Variants in C2CD2 observed in about 807,000 individuals in gnomAD.
C2CD2 encodes the protein C2 domain-containing protein 2.
A neutral mutation model predicts 74.3 loss-of-function variants in C2CD2; 43 were observed. That is an observed-to-expected ratio of 0.58 (90% CI 0.45 to 0.75). C2CD2 has a LOEUF of 0.75. C2CD2 is among the 30% of genes least tolerant of loss of function. The probability of loss-of-function intolerance (pLI) is 0.00; values close to 1 mark genes in which losing one functional copy is unlikely to be tolerated. For missense variants in C2CD2, 801 were observed against 916.3 expected (o/e 0.87, Z 1.63); for synonymous variants, 422 against 390.7 (o/e 1.08, Z -0.94).
intron 1 of C2CD2, 30 bp downstream of exon 1, chr21:41,953,340 G>A: frequency 7.3e-7 from 1 of 1,363,020 alleles, no homozygotes; most frequent in Non-Finnish European, 9.6e-7. Context: ...GGCATCTGCC[G>A]CCCCCCGGCC....
In C2CD2 at chr21:41,914,706, C is replaced by T; in HGVS notation, c.736G>A (p.Ala246Thr). The change falls in exon 6 of 14, where the codon GCA (alanine) becomes ACA (threonine). Residue 246 changes from alanine to threonine, a missense_variant. Transcript: ENST00000380486. ...GGACAGGATTCCTGAGCAGTAGATG[C>T]AGCACACTGTAAGTTCTGAAAAAAT... ...VKEAQNLQCA[A>T]STAQESCPPK... The T allele has an allele frequency of 6.2e-7, 1 of 1,613,092 alleles. No individual in the cohort carries two copies. Among genetic ancestry groups the T allele is most frequent in the Non-Finnish European group, 8.5e-7 (1 of 1,179,442 alleles).
intron 1 of C2CD2, among the ~76,000 whole-genome samples, chr21:41,947,137 T>TCTCTCTCTCTCTCTCTCCCC (rs778013814): frequency 3.9e-5 from 1 of 25,638 alleles, no homozygotes; most frequent in African/African-American, 1.6e-4. Context: ...TCTCTCTCTC[T>TCTCTCTCTCTCTCTCTCCCC]CTCCCTCCCT....
chr21:41,901,605 A>G lies in C2CD2; in HGVS notation c.1560+17T>C, dbSNP rs1404656674. 9.3e-6 allele frequency: 15 copies of G among 1,614,048 alleles called. No homozygotes were observed. The highest frequency in any genetic ancestry group is 1.3e-5 in the Non-Finnish European group (15 of 1,179,864). Reference sequence around the variant, plus strand: ...CAGATGACCAGATGAACACCTCCCCAGCCACCACGATGGTACCTTGGAGAT... The same window carrying G: ...CAGATGACCAGATGAACACCTCCCCGGCCACCACGATGGTACCTTGGAGAT... On this transcript the variant is annotated intron_variant, in intron 12 of 13. Coordinates refer to ENST00000380486, the MANE Select transcript of C2CD2 (RefSeq NM_015500.2).
At chr21:41,925,245 G>A (rs753378705) in intron 2 of C2CD2, among the ~76,000 whole-genome samples, 19 of 152,006 alleles carry the variant, frequency 1.2e-4, no homozygotes, top group Non-Finnish European at 2.4e-4. Flanking sequence ...CAGTGCTTTG[G>A]GAGGCTGAGG....
At chr21:41,937,203 C>T (rs980375511) in intron 2 of C2CD2, among the ~76,000 whole-genome samples, 15 of 151,614 alleles carry the variant, frequency 9.9e-5, no homozygotes, top group East Asian at 1.9e-4. Flanking sequence ...CTGCAACCTC[C>T]GCCTCCCAGG....
intron 1 of C2CD2, chr21:41,953,084 G>A (rs1396838220): frequency 1.1e-5 from 4 of 359,576 alleles, no homozygotes; most frequent in Non-Finnish European, 2.0e-5. Flanking sequence ...TGGCTGGCGC[G>A]GATGAGCACT....
In C2CD2 at chr21:41,912,425, A is replaced by G. The variant is rs2065036508; in HGVS notation, c.860T>C (p.Val287Ala). ...AGGATCGTTCAGCTGCACGACGCACACTGCATTAATGTGGCCTGTAATTAA... is the reference window on the plus strand; with the variant it reads ...AGGATCGTTCAGCTGCACGACGCACGCTGCATTAATGTGGCCTGTAATTAA... The part of the protein sequence containing the change: ...EPGASGHINA[V>A]CVVQLNDPVQ... The change falls in exon 7 of 14, where the codon GTG becomes GCG. Residue 287 changes from valine to alanine, a missense_variant. By Grantham distance (64) the Val-to-Ala change is moderately conservative. Coordinates refer to ENST00000380486, the MANE Select transcript of C2CD2 (RefSeq NM_015500.2). The G allele has an allele frequency of 1.9e-6, 3 of 1,610,146 alleles. No homozygotes were observed. The highest frequency in any genetic ancestry group is 2.5e-6 in the Non-Finnish European group (3 of 1,178,064).
At chr21:41,932,130 T>C (rs2065268026) in intron 2 of C2CD2, among the ~76,000 whole-genome samples, 1 of 147,998 alleles carries the variant, frequency 6.8e-6, no homozygotes, top group Non-Finnish European at 1.5e-5. Flanking sequence ...CTATGGCCAA[T>C]GATGTAATCC....
In C2CD2 at chr21:41,926,058, C is replaced by A. The variant is rs2065207845; in HGVS notation, c.379-3973G>T. On this transcript the variant is annotated intron_variant, in intron 2 of 13. Transcript: ENST00000380486. This position sits in a 1 kb window ranked among gnomAD's most constrained non-coding sequence, Gnocchi z 8.0. ...AGGATTTTAAAAAGTTAAATAGAAGCAATTATTTGGCATAGGCGGCAGTGA... is the reference window on the plus strand; with the variant it reads ...AGGATTTTAAAAAGTTAAATAGAAGAAATTATTTGGCATAGGCGGCAGTGA... 6.6e-6 allele frequency among the ~76,000 whole-genome samples: 1 copy of A among 152,104 alleles called. No individual in the cohort carries two copies. Among genetic ancestry groups the A allele is most frequent in the African/African-American group, 2.4e-5 (1 of 41,422 alleles).
At chr21:41,913,360 C>A (rs1250630683) in intron 6 of C2CD2, among the ~76,000 whole-genome samples, 1 of 152,234 alleles carries the variant, frequency 6.6e-6, no homozygotes, top group African/African-American at 2.4e-5. Flanking sequence ...GACGCTGGAC[C>A]ACGCAGCAGC....
chr21:41,905,420 C>T (rs530729066), intron 11 of C2CD2, among the ~76,000 whole-genome samples: 1 of 150,788 alleles, frequency 6.6e-6, no homozygotes, highest in African/African-American at 2.4e-5. Flanking sequence ...CAGGTTCAAG[C>T]GATTCTCCTG....
chr21:41,916,110 G>A (rs145393271), intron 5 of C2CD2, among the ~76,000 whole-genome samples: 14 of 152,328 alleles, frequency 9.2e-5, no homozygotes, highest in Non-Finnish European at 1.9e-4. Flanking sequence ...TGGAGCCCAA[G>A]AAGGAATTGC....
chr21:41,907,180 G>A lies in C2CD2; in HGVS notation c.1144-14C>T, dbSNP rs754070968. 7.8e-5 allele frequency: 125 copies of A among 1,611,714 alleles called. No individual in the cohort carries two copies. The highest frequency in any genetic ancestry group is 1.8e-4 in the South Asian group (16 of 91,044). ...CATGTAAGAGAACTGCAGAGAAGAC[G>A]CGTTACTTGTTTCTGGTTTTGTGGA... is the stretch of plus-strand genomic sequence containing the variant. On this transcript the variant is annotated splice_polypyrimidine_tract_variant and intron_variant, in intron 9 of 13. Transcript: ENST00000380486.
intron 8 of C2CD2, 74 bp from the exon 9 acceptor site, chr21:41,907,858 C>A: frequency 2.0e-6 from 3 of 1,533,190 alleles, no homozygotes; most frequent in East Asian, 2.2e-5. Context: ...AAGGCCCACA[C>A]GCCCAGCAGC....
At chr21:41,932,133 T>C (rs2065268045) in intron 2 of C2CD2, among the ~76,000 whole-genome samples, 1 of 149,044 alleles carries the variant, frequency 6.7e-6, no homozygotes, top group Non-Finnish European at 1.5e-5. Flanking sequence ...TGGCCAATGA[T>C]GTAATCCATC....
Position 41,895,284 on chromosome 21 carries a change from T to C in C2CD2, c.1870+3769A>G, listed in dbSNP as rs957990990. Among the ~76,000 whole-genome samples the C allele has an allele frequency of 3.9e-5, 6 of 152,158 alleles. No homozygotes were observed. The highest frequency in any genetic ancestry group is 3.9e-4 in the Admixed American group (6 of 15,274). On this transcript the variant is annotated intron_variant, in intron 13 of 13. Coordinates refer to ENST00000380486, the MANE Select transcript of C2CD2 (RefSeq NM_015500.2). This position sits in a 1 kb window ranked among gnomAD's most constrained non-coding sequence, Gnocchi z 5.0. Reference sequence around the variant, plus strand: ...GTCAGTTCCTTAAATATGTAACCTATGGGTTCTGCTTCTCTGGAGGACTGT... The same window carrying C: ...GTCAGTTCCTTAAATATGTAACCTACGGGTTCTGCTTCTCTGGAGGACTGT...
Position 41,929,314 on chromosome 21 carries a change from G to C in C2CD2, c.379-7229C>G, listed in dbSNP as rs1333229264. 6.6e-6 allele frequency among the ~76,000 whole-genome samples: 1 copy of C among 152,178 alleles called. No individual in the cohort carries two copies. Among genetic ancestry groups the C allele is most frequent in the Non-Finnish European group, 1.5e-5 (1 of 68,026 alleles). On this transcript the variant is annotated intron_variant, in intron 2 of 13. Coordinates refer to ENST00000380486, the MANE Select transcript of C2CD2 (RefSeq NM_015500.2). This position sits in a 1 kb window ranked among gnomAD's most constrained non-coding sequence, Gnocchi z 4.6. ...ATGATGCTTCTGACACAGGAGCATG[G>C]TGAGCTCTCATGAGAAGGGATACAA... is the stretch of plus-strand genomic sequence containing the variant.
chr21:41,953,755 G>GGGGGCGCGGCGGGGTC lies in C2CD2; in HGVS notation c.-123_-108dup. 3.7e-6 allele frequency: 4 copies of GGGGGCGCGGCGGGGTC among 1,093,176 alleles called. No homozygotes were observed. The highest frequency in any genetic ancestry group is 4.6e-6 in the Non-Finnish European group (4 of 865,010). 67.7% of individuals were successfully genotyped at this position (1,093,176 alleles called of 1,614,324 possible). On this transcript the variant is annotated 5_prime_UTR_variant, in exon 1 of 14. Transcript: ENST00000380486. ...GGCCACAGCGCGCTGGGGGCGTGGAGGGGGCGCGGCGGGGTCGGAGCCCGG... is the reference window on the plus strand; with the variant it reads ...GGCCACAGCGCGCTGGGGGCGTGGAGGGGGCGCGGCGGGGTCGGGGCGCGGCGGGGTCGGAGCCCGG...
In C2CD2 at chr21:41,953,750, G is replaced by A; in HGVS notation, c.-102C>T. ...GCTGCGGCCACAGCGCGCTGGGGGC[G>A]TGGAGGGGGCGCGGCGGGGTCGGAG... On this transcript the variant is annotated 5_prime_UTR_variant, in exon 1 of 14. In the 5' UTR this introduces an upstream ATG that the reference lacks. Coordinates refer to ENST00000380486, the MANE Select transcript of C2CD2 (RefSeq NM_015500.2). The A allele has an allele frequency of 1.8e-6, 2 of 1,113,238 alleles. No individual in the cohort carries two copies. The highest frequency in any genetic ancestry group is 2.3e-6 in the Non-Finnish European group (2 of 882,274). The allele number at this position is 1,113,238 out of a possible 1,614,324, so 69.0% of individuals were successfully genotyped here.
Sources: gnomAD v4.1 joint callset for allele counts (sites outside exome capture counted in the v4.1 genomes callset) on GRCh38, gnomAD v4.1.1 for gene constraint, Gnocchi (gnomAD v3.1) non-coding constraint, MANE v1.5 for transcripts, NCBI Gene and HGNC (gene_info 2026-07-23, HGNC 2026-07-21) for gene names.